The following PRKG2 variants were observed in gnomAD, a reference collection of about 807,000 sequenced individuals.
PRKG2 encodes the protein protein kinase cGMP-dependent 2.
PRKG2 carries 33 observed loss-of-function variants against 97.2 expected under a neutral mutation model. That is an observed-to-expected ratio of 0.34 (90% CI 0.26 to 0.45). The LOEUF (loss-of-function observed/expected upper bound fraction) is 0.45. PRKG2 is among the 20% of genes least tolerant of loss of function. The pLI is 1.00. For missense variants in PRKG2, 638 were observed against 900.0 expected (o/e 0.71, Z 3.73); for synonymous variants, 330 against 321.8 (o/e 1.03, Z -0.27).
intron 14 of PRKG2, among the ~76,000 whole-genome samples, chr4:81,129,872 T>C (rs1745992844): frequency 6.6e-6 from 1 of 152,178 alleles, no homozygotes; most frequent in African/African-American, 2.4e-5. Context: ...GATCCTGTCA[T>C]TATGATGATA....
chr4:81,181,264 A>C (rs983495228), intron 2 of PRKG2, among the ~76,000 whole-genome samples: 10 of 152,250 alleles, frequency 6.6e-5, no homozygotes, highest in African/African-American at 2.2e-4. Context: ...CAAATGTTTG[A>C]GAATTGAACA....
chr4:81,128,445 T>C (rs1745825927), intron 14 of PRKG2, among the ~76,000 whole-genome samples: 1 of 152,252 alleles, frequency 6.6e-6, no homozygotes, highest in Non-Finnish European at 1.5e-5. Flanking sequence ...AATTCGGCTG[T>C]GAATCCATCT....
chr4:81,104,128 ATTTTGTAACTTC>A (rs1239653590), intron 17 of PRKG2, among the ~76,000 whole-genome samples: 11 of 152,182 alleles, frequency 7.2e-5, no homozygotes, highest in African/African-American at 7.2e-5. Context: ...TGAAGATGTG[ATTTTGTAACTTC>A]TTTTGTAACT....
chr4:81,187,226 A>G (rs1384364724), intron 2 of PRKG2, among the ~76,000 whole-genome samples: 3 of 152,346 alleles, frequency 2.0e-5, no homozygotes, highest in Non-Finnish European at 2.9e-5. Context: ...AAAATCCTCA[A>G]TAAAATACTG....
At chr4:81,184,858 T>C (rs542772504) in intron 2 of PRKG2, among the ~76,000 whole-genome samples, 5 of 152,274 alleles carry the variant, frequency 3.3e-5, no homozygotes, top group African/African-American at 1.2e-4. Flanking sequence ...CAAGTATTGA[T>C]AGTTGAATCA....
intron 2 of PRKG2, among the ~76,000 whole-genome samples, chr4:81,199,379 C>T (rs879663036): frequency 2.0e-5 from 3 of 151,976 alleles, no homozygotes; most frequent in Non-Finnish European, 4.4e-5. Context: ...TTAAATAAGG[C>T]CTTCCAATAA....
Position 81,167,240 on chromosome 4 carries a change from G to C in PRKG2, c.849-16C>G. On this transcript the variant is annotated splice_polypyrimidine_tract_variant and intron_variant, in intron 5 of 18. Coordinates refer to ENST00000264399, the MANE Select transcript of PRKG2 (RefSeq NM_006259.3). ...CAAGGATACACTTCAAAATTAAAAAGAAACCTTCAATTACCTTCCTGAATT... is the reference window on the plus strand; with the variant it reads ...CAAGGATACACTTCAAAATTAAAAACAAACCTTCAATTACCTTCCTGAATT... 6.6e-7 allele frequency: 1 copy of C among 1,523,652 alleles called. No individual in the cohort carries two copies. The highest frequency in any genetic ancestry group is 2.3e-5 in the East Asian group (1 of 43,918). The allele number at this position is 1,523,652 out of a possible 1,614,324, so 94.4% of individuals were successfully genotyped here.
At chr4:81,195,288 C>T (rs560520990) in intron 2 of PRKG2, among the ~76,000 whole-genome samples, 12 of 152,280 alleles carry the variant, frequency 7.9e-5, no homozygotes, top group African/African-American at 2.9e-4. Context: ...CTACTCTCCT[C>T]TCCCTCCTCC....
At chr4:81,149,014 T>C in intron 8 of PRKG2, 62 bp from the exon 9 acceptor site, 1 of 1,477,526 alleles carries the variant, frequency 6.8e-7, no homozygotes, top group South Asian at 1.1e-5. Context: ...TCCACTTTTA[T>C]TAGGGAATGT....
rs1437228444 is a variant in PRKG2, at chr4:81,093,401, ACAC to A, written c.2127-952_2127-950del. On this transcript the variant is annotated intron_variant, in intron 17 of 18. Coordinates refer to ENST00000264399, the MANE Select transcript of PRKG2 (RefSeq NM_006259.3). ...CACACACACACACACACACACACAC[ACAC>A]AAGCTTCTTATCCTCCTTCCCTACT... Among the ~76,000 whole-genome samples, 97 of 146,810 alleles carry A rather than the reference ACAC, an allele frequency of 6.6e-4. 1 individual carries two copies. Among genetic ancestry groups the A allele is most frequent in the African/African-American group, 2.4e-3 (87 of 36,996 alleles).
chr4:81,198,232 A>G (rs962745726), intron 2 of PRKG2, among the ~76,000 whole-genome samples: 1 of 152,250 alleles, frequency 6.6e-6, no homozygotes, highest in African/African-American at 2.4e-5. Context: ...TCAACTAAGA[A>G]GAAGACCATT....
chr4:81,111,448 G>T (rs547765084), intron 14 of PRKG2, among the ~76,000 whole-genome samples: 6 of 151,722 alleles, frequency 4.0e-5, no homozygotes, highest in Admixed American at 1.3e-4. Context: ...TGTTATACAT[G>T]ATTAATATTA....
chr4:81,212,292 A>AC (rs1438074297), intron 1 of PRKG2, among the ~76,000 whole-genome samples: 27 of 63,160 alleles, frequency 4.3e-4, no homozygotes, highest in African/African-American at 1.0e-3. Context: ...CCTCCCTCCC[A>AC]CCCCCCCAGC....
chr4:81,217,045 A>ATATATGTG (rs1354151047), upstream of PRKG2, among the ~76,000 whole-genome samples: 2 of 140,946 alleles, frequency 1.4e-5, no homozygotes, highest in African/African-American at 5.6e-5. Context: ...ATATATATAT[A>ATATATGTG]TATATATATG....
chr4:81,152,121 A>T, intron 7 of PRKG2, 67 bp from the exon 8 acceptor site: 1 of 1,204,512 alleles, frequency 8.3e-7, no homozygotes, highest in Non-Finnish European at 1.2e-6. Context: ...ACACACATTC[A>T]TTCAACCAAA....
At chr4:81,149,018 G>A (rs2110052704) in intron 8 of PRKG2, 66 bp from the exon 9 acceptor site, 1 of 1,451,818 alleles carries the variant, frequency 6.9e-7, no homozygotes. Flanking sequence ...CTTTTATTAG[G>A]GAATGTACTA....
At chr4:81,162,935 G>A (rs1304843155) in intron 6 of PRKG2, among the ~76,000 whole-genome samples, 1 of 152,166 alleles carries the variant, frequency 6.6e-6, no homozygotes, top group African/African-American at 2.4e-5. Flanking sequence ...CTGAAGTGCT[G>A]TTAGGCTGTT....
At chr4:81,159,141 A>T (rs933648350) in intron 6 of PRKG2, among the ~76,000 whole-genome samples, 1 of 152,236 alleles carries the variant, frequency 6.6e-6, no homozygotes, top group Non-Finnish European at 1.5e-5. Flanking sequence ...GCTTCTGCAT[A>T]GCAAAAGAAA....
intron 17 of PRKG2, among the ~76,000 whole-genome samples, chr4:81,097,435 G>C (rs1026458417): frequency 6.6e-6 from 1 of 152,150 alleles, no homozygotes; most frequent in African/African-American, 2.4e-5. Context: ...AGTAGATTTA[G>C]CATCATTCTT....
Sources: gnomAD v4.1 joint callset for allele counts (sites outside exome capture counted in the v4.1 genomes callset) on GRCh38, gnomAD v4.1.1 for gene constraint, MANE v1.5 for transcripts, NCBI Gene and HGNC (gene_info 2026-07-23, HGNC 2026-07-21) for gene names.